DNAH3: variants seen among roughly 807,000 people sequenced by gnomAD.
DNAH3 encodes dynein axonemal heavy chain 3, also known as axonemal beta dynein heavy chain 3.
A neutral mutation model predicts 432.5 loss-of-function variants in DNAH3; 332 were observed. That is an observed-to-expected ratio of 0.77 (90% CI 0.70 to 0.84). The LOEUF is 0.84. Ranked by LOEUF, DNAH3 falls within the 40% of genes least tolerant of loss-of-function variation. The pLI, the probability that DNAH3 is intolerant of heterozygous loss-of-function variation, is 0.00. For synonymous variants in DNAH3, 1,956 were observed against 1,900.2 expected (o/e 1.03, Z -0.76); for missense variants, 4,861 against 5,114.0 (o/e 0.95, Z 1.51).
exon 59 of DNAH3, chr16:20,941,448 T>C: frequency 6.2e-7 from 1 of 1,614,156 alleles, no homozygotes. Flanking sequence ...TCATGGATTC[T>C]TCATAGACCA....
chr16:20,965,120 G>C, exon 53 of DNAH3: 1 of 1,614,130 alleles, frequency 6.2e-7, no homozygotes, highest in Non-Finnish European at 8.5e-7. Flanking sequence ...TTCTGGTTCA[G>C]CTTCTGCATC....
chr16:21,065,973 C>A (rs1016881507), intron 24 of DNAH3, among the ~76,000 whole-genome samples: 2 of 151,776 alleles, frequency 1.3e-5, no homozygotes. Flanking sequence ...ATTACAGGTG[C>A]CCCCCACCAC....
chr16:20,961,644 A>G (rs2084825463), intron 53 of DNAH3, among the ~76,000 whole-genome samples: 1 of 152,032 alleles, frequency 6.6e-6, no homozygotes, highest in South Asian at 2.1e-4. Flanking sequence ...CTGTGCAGAC[A>G]TAGGGAGAAG....
chr16:21,051,802 G>A (rs1301177136), exon 29 of DNAH3: 1 of 1,614,024 alleles, frequency 6.2e-7, no homozygotes, highest in East Asian at 2.2e-5. Flanking sequence ...GCGCAGCTGT[G>A]AGATCCATTG....
chr16:21,113,456 A>ATTTT (rs1567812870), intron 12 of DNAH3, among the ~76,000 whole-genome samples: 1 of 151,114 alleles, frequency 6.6e-6, no homozygotes, highest in Admixed American at 6.6e-5. Flanking sequence ...AGTTGTCTTT[A>ATTTT]ATTTTATTTT....
intron 19 of DNAH3, among the ~76,000 whole-genome samples, chr16:21,084,712 A>G (rs551734576): frequency 3.9e-5 from 6 of 152,176 alleles, no homozygotes; most frequent in Admixed American, 6.5e-5. Flanking sequence ...GCCTCAAGTG[A>G]TCCTCCTGTC....
At chr16:21,088,924 G>A (rs540360000) in intron 18 of DNAH3, among the ~76,000 whole-genome samples, 4 of 152,136 alleles carry the variant, frequency 2.6e-5, no homozygotes, top group Non-Finnish European at 4.4e-5. Flanking sequence ...AATTAACCAC[G>A]TCTGCCTATT....
chr16:21,098,791 T>G (rs369355965), intron 16 of DNAH3, 22 bp from the exon 17 acceptor site: 33 of 1,605,320 alleles, frequency 2.1e-5, no homozygotes, highest in Non-Finnish European at 2.6e-5. Context: ...GACAGCCTGG[T>G]TACCTTTGGA....
intron 41 of DNAH3, among the ~76,000 whole-genome samples, chr16:21,013,461 C>G (rs1454828821): frequency 6.6e-6 from 1 of 152,102 alleles, no homozygotes; most frequent in Non-Finnish European, 1.5e-5. Flanking sequence ...TGGCTCACAC[C>G]TGTAATTCCA....
intron 35 of DNAH3, among the ~76,000 whole-genome samples, chr16:21,036,411 ATTTC>A (rs1366936501): frequency 6.6e-6 from 1 of 151,928 alleles, no homozygotes; most frequent in Non-Finnish European, 1.5e-5. Context: ...TTTTACCTCC[ATTTC>A]TTTCTTCTTT....
At chr16:21,126,756 G>T (rs560142683) in intron 8 of DNAH3, among the ~76,000 whole-genome samples, 1 of 152,126 alleles carries the variant, frequency 6.6e-6, no homozygotes, top group Admixed American at 6.6e-5. Flanking sequence ...TTTTTTAACC[G>T]CCTGAGCTCT....
intron 18 of DNAH3, among the ~76,000 whole-genome samples, chr16:21,088,275 CA>C (rs1410985408): frequency 6.6e-6 from 1 of 152,140 alleles, no homozygotes; most frequent in Non-Finnish European, 1.5e-5. Flanking sequence ...ACCTACGCAA[CA>C]AGTGAGTAGC....
chr16:21,146,007 C>T, exon 2 of DNAH3: 1 of 1,613,322 alleles, frequency 6.2e-7, no homozygotes, highest in South Asian at 1.1e-5. Flanking sequence ...GACGGTTCCT[C>T]ATTAGCAGAA....
chr16:21,115,016 G>A (rs2092155226), intron 12 of DNAH3, among the ~76,000 whole-genome samples: 1 of 152,148 alleles, frequency 6.6e-6, no homozygotes, highest in Non-Finnish European at 1.5e-5. Flanking sequence ...TGATAGACTG[G>A]ATTAAGAAAA....
chr16:21,024,188 T>TG (rs2088413552), intron 39 of DNAH3, among the ~76,000 whole-genome samples: 1 of 151,890 alleles, frequency 6.6e-6, no homozygotes, highest in African/African-American at 2.4e-5. Flanking sequence ...AGGTGCAGAG[T>TG]CCAGGTTACA....
intron 1 of DNAH3, chr16:21,150,826 T>A (rs1349654569): frequency 6.5e-6 from 1 of 153,334 alleles, no homozygotes; most frequent in Non-Finnish European, 1.5e-5. Flanking sequence ...GCAGTGCTTG[T>A]ATGCAGGCGC....
intron 51 of DNAH3, among the ~76,000 whole-genome samples, chr16:20,973,652 T>C (rs564641362): frequency 2.0e-5 from 3 of 152,362 alleles, no homozygotes; most frequent in South Asian, 2.1e-4. Flanking sequence ...TCAGTGCTAA[T>C]TGAAGAAGTA....
chr16:20,999,605 T>C (rs1017706149), intron 43 of DNAH3, among the ~76,000 whole-genome samples: 6 of 152,160 alleles, frequency 3.9e-5, no homozygotes, highest in African/African-American at 1.4e-4. Context: ...GGGTCACAGC[T>C]CCAGAATGTT....
chr16:21,134,119 T>C, intron 7 of DNAH3, 140 bp downstream of exon 8: 4 of 780,660 alleles, frequency 5.1e-6, no homozygotes, highest in Non-Finnish European at 8.0e-6. Context: ...ATAATTCACA[T>C]GCATATTTGG....
Sources: gnomAD v4.1 joint callset for allele counts (sites outside exome capture counted in the v4.1 genomes callset) on GRCh38, gnomAD v4.1.1 for gene constraint, MANE v1.5 for transcripts, NCBI Gene and HGNC (gene_info 2026-07-23, HGNC 2026-07-21) for gene names.